Variants in USP28 observed in about 807,000 individuals in gnomAD.
The protein encoded by USP28 is ubiquitin specific peptidase 28.
Under a neutral mutation model 145.0 loss-of-function variants are expected in USP28, and 113 were observed. That is an observed-to-expected ratio of 0.78 (90% CI 0.67 to 0.91). USP28 has a LOEUF of 0.91. USP28 is among the 40% of genes least tolerant of loss of function. The pLI is 0.00. For synonymous variants in USP28, 447 were observed against 450.9 expected (o/e 0.99, Z 0.11); for missense variants, 1,201 against 1,289.6 (o/e 0.93, Z 1.05).
chr11:113,865,426 C>T (rs1214401114), intron 1 of USP28, among the ~76,000 whole-genome samples: 1 of 152,170 alleles, frequency 6.6e-6, no homozygotes, highest in Non-Finnish European at 1.5e-5. Context: ...AGGACTCACA[C>T]TTCTTATATC....
At chr11:113,873,804 T>G (rs1348259388) in intron 1 of USP28, among the ~76,000 whole-genome samples, 1 of 152,206 alleles carries the variant, frequency 6.6e-6, no homozygotes, top group Non-Finnish European at 1.5e-5. Flanking sequence ...TACTTTCGTT[T>G]CGGAGCCCAG....
At chr11:113,860,464 C>CA (rs924355956) in intron 1 of USP28, among the ~76,000 whole-genome samples, 60 of 143,796 alleles carry the variant, frequency 4.2e-4, no homozygotes, top group African/African-American at 5.9e-4. Flanking sequence ...AAAGAAAAAA[C>CA]AAAAAACAAA....
intron 12 of USP28, among the ~76,000 whole-genome samples, chr11:113,818,867 A>G (rs1186985811): frequency 6.6e-6 from 1 of 150,566 alleles, no homozygotes; most frequent in African/African-American, 2.4e-5. Context: ...TCTCAAAAAA[A>G]GCAAAACAAA....
chr11:113,813,810 A>G, intron 15 of USP28, 75 bp downstream of exon 15: 2 of 1,209,098 alleles, frequency 1.7e-6, no homozygotes, highest in Non-Finnish European at 2.4e-6. Context: ...GGTTTAAAAG[A>G]AAACTATCAA....
Position 113,841,657 on chromosome 11 carries a change from A to G in USP28, c.374+6T>C. 6.3e-7 allele frequency: 1 copy of G among 1,594,014 alleles called. No homozygotes were observed. Among genetic ancestry groups the G allele is most frequent in the Non-Finnish European group, 8.6e-7 (1 of 1,165,356 alleles). On this transcript the variant is annotated splice_donor_region_variant and intron_variant, in intron 4 of 24. Coordinates refer to ENST00000003302, the Ensembl canonical transcript of USP28. Reference sequence around the variant, plus strand: ...GGGGGCAAGAATTATAAGTTAAATCAATAACCTGTTAAGATCTCTTCCATC... The same window carrying G: ...GGGGGCAAGAATTATAAGTTAAATCGATAACCTGTTAAGATCTCTTCCATC...
intron 1 of USP28, among the ~76,000 whole-genome samples, chr11:113,858,670 C>T (rs1947325905): frequency 6.6e-6 from 1 of 152,154 alleles, no homozygotes; most frequent in Non-Finnish European, 1.5e-5. Flanking sequence ...AGCGCAGCGG[C>T]GCAATCTCAG....
chr11:113,864,174 G>A (rs920622816), intron 1 of USP28, among the ~76,000 whole-genome samples: 1 of 152,034 alleles, frequency 6.6e-6, no homozygotes, highest in Non-Finnish European at 1.5e-5. Context: ...TCCAGAGGTG[G>A]AGGCTGCAGT....
chr11:113,852,674 TAG>T, intron 2 of USP28, 41 bp from the exon 3 acceptor site: 1 of 1,607,954 alleles, frequency 6.2e-7, no homozygotes, highest in South Asian at 1.1e-5. Context: ...AAAGTAATCA[TAG>T]AATTTAAAAC....
exon 1 of USP28, chr11:113,875,535 C>G: frequency 8.8e-7 from 1 of 1,137,686 alleles, no homozygotes. Context: ...CACCGGTCTC[C>G]CGCCGCAGCC....
chr11:113,805,091 C>A (rs1939714227), intron 19 of USP28, 45 bp from the exon 21 acceptor site: 1 of 1,573,098 alleles, frequency 6.4e-7, no homozygotes, highest in South Asian at 1.2e-5. Context: ...GTGCTGTGGG[C>A]TTCTGCACAC....
At chr11:113,861,947 G>A (rs1947740128) in intron 1 of USP28, among the ~76,000 whole-genome samples, 1 of 152,220 alleles carries the variant, frequency 6.6e-6, no homozygotes, top group Non-Finnish European at 1.5e-5. Flanking sequence ...ATCAGGGAAA[G>A]ATATGAGAAA....
chr11:113,799,437 T>C (rs776726383), intron 24 of USP28, 22 bp from the exon 26 acceptor site: 1 of 1,606,726 alleles, frequency 6.2e-7, no homozygotes, highest in Non-Finnish European at 8.5e-7. Flanking sequence ...AAACAGATGG[T>C]TACATATACA....
chr11:113,810,686 T>C (rs1434685649), intron 16 of USP28, among the ~76,000 whole-genome samples: 1 of 151,960 alleles, frequency 6.6e-6, no homozygotes, highest in East Asian at 1.9e-4. Flanking sequence ...TACATGTTTG[T>C]TTTTTTTGAG....
chr11:113,833,436 G>A, exon 7 of USP28: 1 of 1,613,732 alleles, frequency 6.2e-7, no homozygotes, highest in Non-Finnish European at 8.5e-7. Context: ...TTCCTCAGAT[G>A]ATCGGAATGC....
chr11:113,814,410 G>A (rs1450085992), intron 14 of USP28, among the ~76,000 whole-genome samples: 2 of 152,202 alleles, frequency 1.3e-5, no homozygotes, highest in Non-Finnish European at 2.9e-5. Flanking sequence ...TATGGGCAAT[G>A]AGGTCAAAGG....
intron 1 of USP28, among the ~76,000 whole-genome samples, chr11:113,857,702 T>G (rs1947216388): frequency 6.6e-6 from 1 of 152,222 alleles, no homozygotes. Context: ...CAATGAAATA[T>G]AGTATCCAAA....
chr11:113,849,514 T>C (rs1946237281), intron 3 of USP28, among the ~76,000 whole-genome samples: 1 of 151,686 alleles, frequency 6.6e-6, no homozygotes, highest in Admixed American at 6.6e-5. Flanking sequence ...GGTCACATGA[T>C]CAGGCAGGAG....
rs1405717371 is a variant in USP28, at chr11:113,804,764, AAGT to A, written c.2580-16_2580-14del. ...AATGCTGATTGATCTGTGTGGGACAAAGTTCAGAAAGCAATGAAAAGGCACAGG... is the reference window on the plus strand; with the variant it reads ...AATGCTGATTGATCTGTGTGGGACAATCAGAAAGCAATGAAAAGGCACAGG... On this transcript the variant is annotated splice_polypyrimidine_tract_variant and intron_variant, in intron 20 of 24. Transcript: ENST00000003302. 1.2e-6 allele frequency: 2 copies of A among 1,612,382 alleles called. No homozygotes were observed. The highest frequency in any genetic ancestry group is 2.2e-5 in the South Asian group (2 of 91,054).
At chr11:113,830,260 G>C (rs1943837700) in intron 9 of USP28, among the ~76,000 whole-genome samples, 1 of 152,134 alleles carries the variant, frequency 6.6e-6, no homozygotes, top group South Asian at 2.1e-4. Context: ...CTAGATATTT[G>C]ATAGTTTAAA....
Sources: gnomAD v4.1 joint callset for allele counts (sites outside exome capture counted in the v4.1 genomes callset) on GRCh38, gnomAD v4.1.1 for gene constraint, MANE v1.5 for transcripts, NCBI Gene and HGNC (gene_info 2026-07-23, HGNC 2026-07-21) for gene names.